CCDC190: variants seen among roughly 807,000 people sequenced by gnomAD.
CCDC190 encodes coiled-coil domain-containing protein 190.
A neutral mutation model predicts 13.1 loss-of-function variants in CCDC190; 10 were observed. That is an observed-to-expected ratio of 0.77 (90% CI 0.47 to 1.30). The LOEUF is 1.30. CCDC190 is among the 50% of genes most tolerant of loss of function. The pLI is 0.00. For missense variants in CCDC190, 375 were observed against 354.3 expected, an observed-to-expected ratio of 1.06 and a Z score of -0.47; for synonymous variants, 136 against 127.2, an observed-to-expected ratio of 1.07 and a Z score of -0.47.
upstream of CCDC190, among the ~76,000 whole-genome samples, chr1:162,861,449 T>C (rs944940894): frequency 6.6e-6 from 1 of 151,494 alleles, no homozygotes; most frequent in African/African-American, 2.4e-5. Context: ...TTTTTTTTTT[T>C]CTCTCTTTGT....
Position 162,854,807 on chromosome 1 carries a change from C to T in CCDC190, c.864G>A (p.Lys288=). ...TAGAAGGCACCCTGTTTTCACACTC[C>T]TTTCCTGCCCTGGATGATGAGGATT... The part of the protein sequence containing the change: ...HGESSSSRAG[K]ECENRVPSKF... The change falls in exon 4 of 4, where the codon AAG becomes AAA. Residue 288 remains lysine, a synonymous_variant. Transcript: ENST00000367912. 1.2e-6 allele frequency: 2 copies of T among 1,613,438 alleles called. No homozygotes were observed. The highest frequency in any genetic ancestry group is 1.1e-5 in the South Asian group (1 of 91,060).
chr1:162,863,945 G>A (rs199812886), upstream of CCDC190, among the ~76,000 whole-genome samples: 3 of 151,320 alleles, frequency 2.0e-5, no homozygotes, highest in East Asian at 5.8e-4. Flanking sequence ...TTTGAACCCG[G>A]GAGGTGGAGG....
upstream of CCDC190, chr1:162,868,771 C>G (rs1650800675): frequency 2.5e-5 from 1 of 39,700 alleles, no homozygotes; most frequent in Non-Finnish European, 8.8e-5. Context: ...CCATGGGGAT[C>G]CATCAGGAGG....
chr1:162,857,084 C>T (rs180871783), intron 2 of CCDC190, among the ~76,000 whole-genome samples: 3 of 152,306 alleles, frequency 2.0e-5, no homozygotes, highest in Admixed American at 6.5e-5. Flanking sequence ...GTTTGAGCGC[C>T]TACTTTGTGC....
rs1288481843 is a variant in CCDC190, at chr1:162,853,910, T to C, written c.*855A>G. Among the ~76,000 whole-genome samples, 4 of 152,240 alleles carry C rather than the reference T, an allele frequency of 2.6e-5. No individual in the cohort carries two copies. The highest frequency in any genetic ancestry group is 2.1e-4 in the South Asian group (1 of 4,832). ...TTAACAAAAAGCTATTATTTTCTAATGACTTATGATACTACTTATTTTTAG... is the reference window on the plus strand; with the variant it reads ...TTAACAAAAAGCTATTATTTTCTAACGACTTATGATACTACTTATTTTTAG... On this transcript the variant is annotated 3_prime_UTR_variant, in exon 4 of 4. Transcript: ENST00000367912.
chr1:162,863,033 T>G (rs549457646), upstream of CCDC190, among the ~76,000 whole-genome samples: 4 of 151,622 alleles, frequency 2.6e-5, no homozygotes, highest in African/African-American at 4.8e-5. Flanking sequence ...AGAAAGAAAA[T>G]CAGCGAAGAT....
chr1:162,856,927 C>A (rs1319611913), intron 2 of CCDC190, among the ~76,000 whole-genome samples: 1 of 152,152 alleles, frequency 6.6e-6, no homozygotes, highest in East Asian at 1.9e-4. Context: ...CTTCTCCCAG[C>A]AAGATCTGTT....
intron 1 of CCDC190, among the ~76,000 whole-genome samples, chr1:162,860,217 C>T (rs1200372125): frequency 2.6e-5 from 4 of 152,114 alleles, no homozygotes; most frequent in Admixed American, 2.6e-4. Flanking sequence ...GAATGAGGCC[C>T]AGTTCCTACT....
At chr1:162,866,719 A>G (rs1429205305) in intron 1 of CCDC190, among the ~76,000 whole-genome samples, 1 of 152,200 alleles carries the variant, frequency 6.6e-6, no homozygotes, top group Non-Finnish European at 1.5e-5. Flanking sequence ...AGTCAATAAG[A>G]TTGTGTAGTG....
At position 162,853,059 on chromosome 1, in the gene CCDC190, C is replaced by T. The variant is rs1650168612; in HGVS notation, c.*1706G>A. ...AGTTCTGTCACTTATGGCCTGCCTT[C>T]CTCTGTTGCTTTGCTTCATGGAAGA... On this transcript the variant is annotated 3_prime_UTR_variant, in exon 4 of 4. Transcript: ENST00000367912. The T allele has an allele frequency of 1.4e-6, 2 of 1,460,756 alleles. No homozygotes were observed. The highest frequency in any genetic ancestry group is 2.5e-5 in the East Asian group (1 of 40,464). The allele number at this position is 1,460,756 out of a possible 1,614,324, so 90.5% of individuals were successfully genotyped here.
rs1021340759 is a variant in CCDC190, at chr1:162,851,302, T to A, written c.*3463A>T. 3.3e-5 allele frequency: 5 copies of A among 149,322 alleles called. No individual in the cohort carries two copies. Among genetic ancestry groups the A allele is most frequent in the Non-Finnish European group, 5.9e-5 (4 of 67,672 alleles). The allele number at this position is 149,322 out of a possible 1,614,324, so 9.2% of individuals were successfully genotyped here. On this transcript the variant is annotated 3_prime_UTR_variant, in exon 4 of 4. Transcript: ENST00000367912. ...CTGGTTCCTCTCCATTTTTTTTTTT[T>A]TTTTTTTTTTTTTGCAGTGGTTGCT...
rs1571040028 is a variant in CCDC190, at chr1:162,855,643, A to C, written c.300T>G (p.Ala100=). 6.2e-7 allele frequency: 1 copy of C among 1,613,650 alleles called. No homozygotes were observed. Among genetic ancestry groups the C allele is most frequent in the African/African-American group, 1.3e-5 (1 of 74,930 alleles). The stretch of plus-strand genomic sequence containing the variant: ...AATCCATTTCTTACCTCATTTTCTT[A>C]GCCTGTGGGGCTCTGTGCTTCTGCC... ...QGRQKHRAPQ[A]KKMRALATRM... Residue 100 remains alanine, a synonymous_variant, in exon 3 of 4, where the codon GCT becomes GCG. Coordinates refer to ENST00000367912, the MANE Select transcript of CCDC190 (RefSeq NM_001394065.1).
At chr1:162,859,331 G>T in intron 2 of CCDC190, 129 bp downstream of exon 2, 1 of 798,350 alleles carries the variant, frequency 1.3e-6, no homozygotes. Flanking sequence ...GCAGCCTAAA[G>T]TCCTGGCTGT....
upstream of CCDC190, among the ~76,000 whole-genome samples, chr1:162,862,395 T>C (rs1039777393): frequency 4.6e-5 from 7 of 152,200 alleles, no homozygotes; most frequent in Non-Finnish European, 8.8e-5. Flanking sequence ...CTCAGCCCTC[T>C]GAGAATGCCA....
rs920019610 is a variant in CCDC190 at position 162,854,715 on chromosome 1, C to A, written c.*50G>T. 5 of 1,536,042 alleles carry A rather than the reference C, an allele frequency of 3.3e-6. No homozygotes were observed. The highest frequency in any genetic ancestry group is 1.8e-4 in the Middle Eastern group (1 of 5,648). On this transcript the variant is annotated 3_prime_UTR_variant, in exon 4 of 4. Transcript: ENST00000367912. Reference sequence around the variant, plus strand: ...GCTTAATATAGTCATTTGAGGAACACATTTCCTTAGCAATAATGGCATATG... The same window carrying A: ...GCTTAATATAGTCATTTGAGGAACAAATTTCCTTAGCAATAATGGCATATG...
upstream of CCDC190, among the ~76,000 whole-genome samples, chr1:162,861,383 T>G (rs1265140732): frequency 6.6e-6 from 1 of 151,856 alleles, no homozygotes; most frequent in Non-Finnish European, 1.5e-5. Context: ...AAGCAAGGAG[T>G]GTGTAACTGT....
Position 162,855,170 on chromosome 1 carries a change from G to C in CCDC190, c.501C>G (p.Asp167Glu). 6.2e-7 allele frequency: 1 copy of C among 1,613,958 alleles called. No homozygotes were observed. Among genetic ancestry groups the C allele is most frequent in the Non-Finnish European group, 8.5e-7 (1 of 1,179,870 alleles). Residue 167 changes from aspartate (D) to glutamate (E), a missense_variant, in exon 4 of 4, where the codon GAC (aspartate) becomes GAG (glutamate). Coordinates refer to ENST00000367912, the MANE Select transcript of CCDC190 (RefSeq NM_001394065.1). The stretch of plus-strand genomic sequence containing the variant: ...CAGAGATGCCCTTGCTGGGGTCTAC[G>C]TCCTTAGATGGATTCACAGAATCTT... ...QEKDSVNPSK[D>E]VDPSKGISVP...
upstream of CCDC190, among the ~76,000 whole-genome samples, chr1:162,861,646 T>A (rs1000575137): frequency 6.6e-6 from 1 of 152,184 alleles, no homozygotes; most frequent in African/African-American, 2.4e-5. Context: ...AGCACTTCGG[T>A]GCTTATCAAG....
chr1:162,859,925 C>G (rs1035920824), intron 1 of CCDC190, among the ~76,000 whole-genome samples: 28 of 147,256 alleles, frequency 1.9e-4, no homozygotes, highest in African/African-American at 7.0e-4. Context: ...GTCAGATTTC[C>G]AAGAAGATCA....
Sources: gnomAD v4.1 joint callset for allele counts (sites outside exome capture counted in the v4.1 genomes callset) on GRCh38, gnomAD v4.1.1 for gene constraint, MANE v1.5 for transcripts, NCBI Gene and HGNC (gene_info 2026-07-23, HGNC 2026-07-21) for gene names.